Variants in ABCA7 observed in about 807,000 individuals in gnomAD.
ABCA7 encodes ATP binding cassette subfamily A member 7, also known as phospholipid-transporting ATPase ABCA7.
A neutral mutation model predicts 227.6 loss-of-function variants in ABCA7; 261 were observed. The observed-to-expected ratio is 1.15, with a 90% CI of 1.04 to 1.27. The LOEUF is 1.27. Among genes scored for constraint, ABCA7 ranks in the 50% most tolerant of loss-of-function variants. The probability of loss-of-function intolerance (pLI) is 0.00; values close to 1 mark genes in which losing one functional copy is unlikely to be tolerated. For missense variants in ABCA7, 3,331 were observed against 2,924.5 expected (o/e 1.14, Z -3.21); for synonymous variants, 1,488 against 1,279.7 (o/e 1.16, Z -3.47).
rs1305024434 is a variant in ABCA7 at position 1,065,504 on chromosome 19, A to T, written c.*79A>T. On this transcript the variant is annotated 3_prime_UTR_variant, in exon 47 of 47. Coordinates refer to ENST00000263094, the MANE Select transcript of ABCA7 (RefSeq NM_019112.4). Reference sequence around the variant, plus strand: ...TAGAGTGCCTAGGAGCCCTGGACTCAGGCTGGCAGAGGGGCTGGTGCCCTG... The same window carrying T: ...TAGAGTGCCTAGGAGCCCTGGACTCTGGCTGGCAGAGGGGCTGGTGCCCTG... 6.7e-7 allele frequency: 1 copy of T among 1,496,840 alleles called. No individual in the cohort carries two copies. Among genetic ancestry groups the T allele is most frequent in the East Asian group, 2.3e-5 (1 of 43,942 alleles). The allele number at this position is 1,496,840 out of a possible 1,614,324, so 92.7% of individuals were successfully genotyped here.
intron 18 of ABCA7, among the ~76,000 whole-genome samples, chr19:1,050,530 G>C (rs1199271181): frequency 1.3e-5 from 2 of 152,050 alleles, no homozygotes; most frequent in Non-Finnish European, 1.5e-5. Flanking sequence ...CCAGCACTTT[G>C]GGGGGCCGAG....
rs3752240 is a variant in ABCA7, at chr19:1,051,215, A to G, written c.2745A>G (p.Val915=). ...YGRLKGLSAA[V]VGPEQDRLLQ... ...GGCTGAAGGGTCTGAGTGCCGCTGTAGTGGGCCCCGAGCAGGACCGTCTGC... is the reference window on the plus strand; with the variant it reads ...GGCTGAAGGGTCTGAGTGCCGCTGTGGTGGGCCCCGAGCAGGACCGTCTGC... The change falls in exon 20 of 47, where the codon GTA becomes GTG. Residue 915 remains valine, a synonymous_variant. Coordinates refer to ENST00000263094, the MANE Select transcript of ABCA7 (RefSeq NM_019112.4). 554,652 of 1,610,496 alleles carry G rather than the reference A, an allele frequency of 0.34. 98,250 individuals are homozygous for G. The highest frequency in any genetic ancestry group is 0.42 in the Middle Eastern group (2,511 of 6,044).
intron 36 of ABCA7, 32 bp downstream of exon 36, chr19:1,058,091 G>C: frequency 6.2e-7 from 1 of 1,613,928 alleles, no homozygotes; most frequent in Non-Finnish European, 8.5e-7. Context: ...GCTTGGGCTG[G>C]GTTGGGTCGT....
At position 1,058,427 on chromosome 19, in the gene ABCA7, G is replaced by C. The variant is rs372499042; in HGVS notation, c.5149+158G>C. ...TGGGCCAAGTTGGAGGTACAAGAAA[G>C]CAGCCATAAAAAGCTAATTCTTAGA... On this transcript the variant is annotated intron_variant, in intron 37 of 46. Transcript: ENST00000263094. Among the ~76,000 whole-genome samples the C allele has an allele frequency of 1.3e-3, 195 of 152,132 alleles. 1 individual carries two copies. Among genetic ancestry groups the C allele is most frequent in the African/African-American group, 4.4e-3 (181 of 41,512 alleles).
In ABCA7 at chr19:1,063,535, A is replaced by G; in HGVS notation, c.5713-9A>G. The G allele has an allele frequency of 6.2e-7, 1 of 1,609,448 alleles. No individual in the cohort carries two copies. The highest frequency in any genetic ancestry group is 8.5e-7 in the Non-Finnish European group (1 of 1,179,714). On this transcript the variant is annotated splice_polypyrimidine_tract_variant and intron_variant, in intron 42 of 46. Transcript: ENST00000263094. ...GAGTCCCCATGCCTACTCTGGCCCC[A>G]CCCCACAGACCGCTGGCTCGGGCCT... is the stretch of plus-strand genomic sequence containing the variant.
chr19:1,047,378 G>C lies in ABCA7; in HGVS notation c.2067G>C (p.Ala689=). Residue 689 remains alanine (A), a splice_region_variant and synonymous_variant, in exon 15 of 47, where the codon GCG becomes GCC. Coordinates refer to ENST00000263094, the MANE Select transcript of ABCA7 (RefSeq NM_019112.4). ...TGCCCGCGGGTGGCCGCGTGGCCGC[G>C]GTGAGAGCCGGGTCGGGCGTGGATG... ...DRLPAGGRVA[A]SLLSPVAFGF... The C allele has an allele frequency of 6.4e-7, 1 of 1,564,774 alleles. No individual in the cohort carries two copies. Among genetic ancestry groups the C allele is most frequent in the Non-Finnish European group, 8.6e-7 (1 of 1,161,980 alleles).
rs1432393071 is a variant in ABCA7, at chr19:1,048,963, C to A, written c.2338C>A (p.Pro780Thr). The A allele has an allele frequency of 2.5e-6, 4 of 1,609,116 alleles. No homozygotes were observed. The East Asian group carries it at 6.7e-5, about 27-fold the overall frequency. ...GAGCTACTGGTGCGGACCTCGGCCC[C>A]CCAAGAGTCCAGCCCCTTGCCCCAC... ...RRSYWCGPRP[P>T]KSPAPCPTPL... The change falls in exon 17 of 47, where the codon CCC becomes ACC. Residue 780 changes from proline to threonine, a missense_variant. By Grantham distance (38) the Pro-to-Thr change is conservative (BLOSUM62 -1). Transcript: ENST00000263094.
Position 1,044,982 on chromosome 19 carries a change from C to G in ABCA7, c.1216-20C>G, listed in dbSNP as rs199847666. The G allele has an allele frequency of 8.8e-4, 1,417 of 1,610,834 alleles. 14 individuals carry two copies. The African/African-American group carries it at 0.017, about 19-fold the overall frequency. On this transcript the variant is annotated intron_variant, in intron 11 of 46. Coordinates refer to ENST00000263094, the MANE Select transcript of ABCA7 (RefSeq NM_019112.4). ...GGCAGGCGGACCCCAGCGCCTAGGACTCACCCCCGCATCCCACAGTGCCTG... is the reference window on the plus strand; with the variant it reads ...GGCAGGCGGACCCCAGCGCCTAGGAGTCACCCCCGCATCCCACAGTGCCTG...
At chr19:1,053,147 A>G (rs1196653507) in intron 23 of ABCA7, among the ~76,000 whole-genome samples, 182 bp from the exon 24 acceptor site, 1 of 152,118 alleles carries the variant, frequency 6.6e-6, no homozygotes, top group East Asian at 1.9e-4. Flanking sequence ...GCCTGCTTCA[A>G]CCCTCAAAGT....
chr19:1,050,223 C>T (rs1406873609), intron 18 of ABCA7, among the ~76,000 whole-genome samples: 1 of 150,878 alleles, frequency 6.6e-6, no homozygotes, highest in Admixed American at 6.6e-5. Flanking sequence ...ACAGCCTGGC[C>T]AATATGGCAA....
rs758030228 is a variant in ABCA7, at chr19:1,049,254, C to G, written c.2381-12C>G. The G allele has an allele frequency of 1.3e-6, 2 of 1,586,952 alleles. No individual in the cohort carries two copies. The highest frequency in any genetic ancestry group is 1.1e-5 in the South Asian group (1 of 88,868). Reference sequence around the variant, plus strand: ...CATGACCTCCATGGCTGAGTCCACCCCATCTCTGCAGTGCTGGTAGAAGAG... The same window carrying G: ...CATGACCTCCATGGCTGAGTCCACCGCATCTCTGCAGTGCTGGTAGAAGAG... On this transcript the variant is annotated splice_polypyrimidine_tract_variant and intron_variant, in intron 17 of 46. Coordinates refer to ENST00000263094, the MANE Select transcript of ABCA7 (RefSeq NM_019112.4).
In ABCA7 at chr19:1,056,479, GC is replaced by G. The variant is rs1319082427; in HGVS notation, c.4567del (p.Gln1523SerfsTer7). The part of the protein sequence containing the change: ...LNHPLNLTKE[Q>X]LSEGALMASS... ...ACCACCCCTTGAACCTCACCAAGGA[GC>G]AGCTGTCTGAGGGTGCACTGTGAGT... On this transcript the variant is annotated frameshift_variant, in exon 33 of 47. Coordinates refer to ENST00000263094, the MANE Select transcript of ABCA7 (RefSeq NM_019112.4). LOFTEE classifies it high-confidence loss of function. This position sits in a 1 kb window ranked among gnomAD's most constrained non-coding sequence, Gnocchi z 4.3. 1 of 1,613,312 alleles carries G rather than the reference GC, an allele frequency of 6.2e-7. No individual in the cohort carries two copies. Among genetic ancestry groups the G allele is most frequent in the South Asian group, 1.1e-5 (1 of 91,070 alleles).
Position 1,052,049 on chromosome 19 carries a change from T to C in ABCA7, c.3070T>C (p.Phe1024Leu). ...CTTGTGCTGCTGTGGCTCCCCACTC[T>C]TCCTGCGCCGTCACCTGGGCTCCGG... ...GRLCCCGSPL[F>L]LRRHLGSGYY... The change falls in exon 22 of 47, where the codon TTC (phenylalanine) becomes CTC (leucine). Residue 1024 changes from phenylalanine (F) to leucine (L), a missense_variant. Physicochemically the swap from Phe to Leu is conservative, Grantham distance 22. Transcript: ENST00000263094. 1 of 1,612,320 alleles carries C rather than the reference T, an allele frequency of 6.2e-7. No homozygotes were observed.
At chr19:1,049,992 C>T (rs1312824583) in intron 18 of ABCA7, among the ~76,000 whole-genome samples, 15 of 134,144 alleles carry the variant, frequency 1.1e-4, no homozygotes, top group Non-Finnish European at 2.0e-4. Flanking sequence ...CAAACCACTC[C>T]CTCCCTGTGA....
chr19:1,054,517 C>T lies in ABCA7; in HGVS notation c.3727-53C>T. ...TGTAGAGCAGGAGCAGGGACAGGTG[C>T]AAGCAAGCCTGGAGGGTGGATGGAA... On this transcript the variant is annotated intron_variant, in intron 27 of 46. Transcript: ENST00000263094. This position sits in a 1 kb window ranked among gnomAD's most constrained non-coding sequence, Gnocchi z 4.8. 6.3e-7 allele frequency: 1 copy of T among 1,588,382 alleles called. No individual in the cohort carries two copies. Among genetic ancestry groups the T allele is most frequent in the East Asian group, 2.3e-5 (1 of 44,356 alleles).
chr19:1,050,117 T>C (rs572112455), intron 18 of ABCA7, among the ~76,000 whole-genome samples: 5 of 148,282 alleles, frequency 3.4e-5, no homozygotes, highest in South Asian at 2.2e-4. Context: ...AGACCCTGTC[T>C]CAAAATAAAT....
At chr19:1,062,027 C>A in intron 41 of ABCA7, 139 bp downstream of exon 41, 1 of 1,443,310 alleles carries the variant, frequency 6.9e-7, no homozygotes, top group Non-Finnish European at 9.3e-7. Flanking sequence ...TGCACCTCTA[C>A]CTCCCACACG....
chr19:1,049,046 GCCCAGTTC>G (rs1359462756), intron 17 of ABCA7, 41 bp downstream of exon 17: 4 of 1,164,250 alleles, frequency 3.4e-6, no homozygotes, highest in Non-Finnish European at 4.9e-6. Flanking sequence ...GTCCACATAT[GCCCAGTTC>G]CCCCCCAAAA....
rs2040059605 is a variant in ABCA7 at position 1,041,771 on chromosome 19, C to G, written c.161-60C>G. On this transcript the variant is annotated intron_variant, in intron 3 of 46. Coordinates refer to ENST00000263094, the MANE Select transcript of ABCA7 (RefSeq NM_019112.4). ...AGGCATGCAAGCGGTGCCGGGCGAC[C>G]CGATGGGGGTGGAGTCAGGCAGAGT... The G allele has an allele frequency of 1.2e-5, 19 of 1,594,114 alleles. No individual in the cohort carries two copies. The East Asian group carries it at 4.3e-4, about 36-fold the overall frequency.
Sources: gnomAD v4.1 joint callset for allele counts (sites outside exome capture counted in the v4.1 genomes callset) on GRCh38, gnomAD v4.1.1 for gene constraint, Gnocchi (gnomAD v3.1) non-coding constraint, MANE v1.5 for transcripts, NCBI Gene and HGNC (gene_info 2026-07-23, HGNC 2026-07-21) for gene names.